Variants in ITPK1 observed in about 807,000 individuals in gnomAD.
ITPK1 encodes inositol 1,3,4-trisphosphate 5/6-kinase.
A neutral mutation model predicts 45.3 loss-of-function variants in ITPK1; 21 were observed. The observed-to-expected ratio is 0.46, with a 90% CI of 0.33 to 0.67. ITPK1 has a LOEUF of 0.67. ITPK1 is among the 30% of genes least tolerant of loss of function. The pLI is 0.02. For missense variants in ITPK1, 474 were observed against 573.5 expected (o/e 0.83, Z 1.77); for synonymous variants, 258 against 253.6 (o/e 1.02, Z -0.16).
At chr14:93,102,909 G>C (rs1365163664) in intron 2 of ITPK1, among the ~76,000 whole-genome samples, 1 of 151,208 alleles carries the variant, frequency 6.6e-6, no homozygotes, top group Middle Eastern at 3.8e-3. Flanking sequence ...GACCATCCTG[G>C]CTAACACGGT....
intron 2 of ITPK1, among the ~76,000 whole-genome samples, chr14:93,099,912 C>T (rs368731388): frequency 6.6e-5 from 10 of 152,358 alleles, no homozygotes; most frequent in Admixed American, 4.6e-4. Flanking sequence ...CTCAGGCCCC[C>T]GTCCAAGTCT....
intron 6 of ITPK1, 69 bp from the exon 7 acceptor site, chr14:92,962,464 C>T: frequency 9.4e-7 from 1 of 1,066,788 alleles, no homozygotes; most frequent in Non-Finnish European, 1.5e-6. Context: ...AGGTACTTGG[C>T]ACGTCTAGAA....
At chr14:92,960,996 C>T (rs985809164) in intron 7 of ITPK1, among the ~76,000 whole-genome samples, 3 of 152,260 alleles carry the variant, frequency 2.0e-5, no homozygotes, top group Middle Eastern at 3.2e-3. Context: ...TGCTGCGCTA[C>T]GCTGACACTG....
rs138757368 is a variant in ITPK1, at chr14:92,984,400, T to G, written c.364+9480A>C. Among the ~76,000 whole-genome samples, 101 of 152,356 alleles carry G rather than the reference T, an allele frequency of 6.6e-4. 1 individual carries two copies. The highest frequency in any genetic ancestry group is 2.3e-3 in the African/African-American group (95 of 41,582). On this transcript the variant is annotated intron_variant, in intron 5 of 10. Coordinates refer to ENST00000267615, the MANE Select transcript of ITPK1 (RefSeq NM_014216.6). Reference sequence around the variant, plus strand: ...TGGAAAAGGCTAAATTCTGCAGAACTTCACTGATTCTATGGCATGTTTTTC... The same window carrying G: ...TGGAAAAGGCTAAATTCTGCAGAACGTCACTGATTCTATGGCATGTTTTTC...
At position 92,938,669 on chromosome 14, in the gene ITPK1, CT is replaced by C; in HGVS notation, c.*2891del. 1 of 687,280 alleles carries C rather than the reference CT, an allele frequency of 1.5e-6. No individual in the cohort carries two copies. The highest frequency in any genetic ancestry group is 2.6e-6 in the Non-Finnish European group (1 of 382,414). The allele number at this position is 687,280 out of a possible 1,614,324, so 42.6% of individuals were successfully genotyped here. On this transcript the variant is annotated 3_prime_UTR_variant, in exon 11 of 11. Transcript: ENST00000267615. The stretch of plus-strand genomic sequence containing the variant: ...CAATCCCGCCGGCCATGCTGGGTGA[CT>C]GCAGGCCCAGCCCACCCACCACGTG...
intron 3 of ITPK1, among the ~76,000 whole-genome samples, chr14:93,065,177 GA>G (rs1371037347): frequency 6.6e-6 from 1 of 152,226 alleles, no homozygotes; most frequent in Non-Finnish European, 1.5e-5. Flanking sequence ...CTCACAGCAG[GA>G]GACTCATCCC....
In ITPK1 at chr14:92,946,321, C is replaced by G; in HGVS notation, c.901+10G>C. ...GGCCGGTCAGTGGAGGTGGCCTGGC[C>G]GCCACTCACCTGGGAAGGCATTGAT... On this transcript the variant is annotated intron_variant, in intron 10 of 10. Transcript: ENST00000267615. 1 of 1,612,628 alleles carries G rather than the reference C, an allele frequency of 6.2e-7. No individual in the cohort carries two copies. Among genetic ancestry groups the G allele is most frequent in the South Asian group, 1.1e-5 (1 of 91,084 alleles).
At chr14:93,003,529 AG>A (rs1456545479) in intron 4 of ITPK1, among the ~76,000 whole-genome samples, 1 of 152,198 alleles carries the variant, frequency 6.6e-6, no homozygotes. Flanking sequence ...ATAGGGTTGG[AG>A]TTGGAGATGC....
intron 9 of ITPK1, among the ~76,000 whole-genome samples, chr14:92,948,897 T>TCCGAGGGACCCACGC (rs1887817146): frequency 1.3e-5 from 2 of 151,756 alleles, no homozygotes; most frequent in East Asian, 3.9e-4. Flanking sequence ...TCACCCACGC[T>TCCGAGGGACCCACGC]CTGAGGGACC....
At chr14:93,099,063 G>T (rs918915939) in intron 2 of ITPK1, among the ~76,000 whole-genome samples, 31 of 152,170 alleles carry the variant, frequency 2.0e-4, no homozygotes, top group African/African-American at 7.2e-4. Context: ...GAACATCCTG[G>T]GTTTGTGGCC....
chr14:92,998,277 A>G (rs549472068), intron 4 of ITPK1, among the ~76,000 whole-genome samples: 7 of 152,286 alleles, frequency 4.6e-5, no homozygotes, highest in African/African-American at 1.4e-4. Flanking sequence ...AACCTGACGC[A>G]AGGTTTCTGG....
chr14:92,943,900 C>A (rs981585672), intron 10 of ITPK1, among the ~76,000 whole-genome samples: 2 of 152,222 alleles, frequency 1.3e-5, no homozygotes, highest in Non-Finnish European at 2.9e-5. Flanking sequence ...AAGATTCGAA[C>A]CCATGGCTGG....
chr14:93,026,131 A>T (rs1663908509), intron 3 of ITPK1, among the ~76,000 whole-genome samples: 1 of 152,204 alleles, frequency 6.6e-6, no homozygotes, highest in Admixed American at 6.5e-5. Flanking sequence ...AAAAAAGAAT[A>T]GGACTTGGAT....
chr14:93,019,438 T>C (rs1356278139), intron 3 of ITPK1, among the ~76,000 whole-genome samples: 1 of 152,234 alleles, frequency 6.6e-6, no homozygotes, highest in African/African-American at 2.4e-5. Flanking sequence ...GGTAAACAGC[T>C]GAGCTCTGGA....
At chr14:92,973,694 C>T (rs185117224) in intron 5 of ITPK1, among the ~76,000 whole-genome samples, 129 of 152,350 alleles carry the variant, frequency 8.5e-4, no homozygotes, top group African/African-American at 2.5e-3. Context: ...ATGACGATGG[C>T]AGCCACCCAG....
rs181690370 is a variant in ITPK1 at position 93,010,342 on chromosome 14, G to A, written c.246+6334C>T. ...GGCGACTGCTCAATAAACATCAGGG[G>A]CCAACAGGGTTTGATTCAATGCAGC... On this transcript the variant is annotated intron_variant, in intron 4 of 10. Coordinates refer to ENST00000267615, the MANE Select transcript of ITPK1 (RefSeq NM_014216.6). 5.3e-4 allele frequency among the ~76,000 whole-genome samples: 80 copies of A among 152,362 alleles called. No individual in the cohort carries two copies. The Middle Eastern group carries it at 0.031, about 58-fold the overall frequency.
intron 2 of ITPK1, among the ~76,000 whole-genome samples, chr14:93,105,698 TG>T (rs1376101191): frequency 1.5e-5 from 2 of 134,900 alleles, no homozygotes; most frequent in Non-Finnish European, 3.1e-5. Flanking sequence ...CTAATTTTTG[TG>T]GGGTTTTTTT....
intron 2 of ITPK1, among the ~76,000 whole-genome samples, chr14:93,077,657 C>A (rs1211271016): frequency 6.6e-6 from 1 of 152,200 alleles, no homozygotes; most frequent in Non-Finnish European, 1.5e-5. Flanking sequence ...CCAGGAAGTG[C>A]CCACCTGTGC....
At chr14:93,102,469 A>G (rs976511169) in intron 2 of ITPK1, among the ~76,000 whole-genome samples, 1 of 152,240 alleles carries the variant, frequency 6.6e-6, no homozygotes, top group Non-Finnish European at 1.5e-5. Context: ...TAGGACTTTA[A>G]AATCTTAAAG....
Sources: gnomAD v4.1 joint callset for allele counts (sites outside exome capture counted in the v4.1 genomes callset) on GRCh38, gnomAD v4.1.1 for gene constraint, MANE v1.5 for transcripts, NCBI Gene and HGNC (gene_info 2026-07-23, HGNC 2026-07-21) for gene names.